NUDCD1: variants seen among roughly 807,000 people sequenced by gnomAD.
NUDCD1 encodes the protein NudC domain containing 1.
NUDCD1 carries 60 observed loss-of-function variants against 67.8 expected under a neutral mutation model. That is an observed-to-expected ratio of 0.88 (90% CI 0.72 to 1.10). NUDCD1 has a LOEUF of 1.10. Ranked by LOEUF, NUDCD1 falls within the 50% of genes least tolerant of loss-of-function variation. The probability of loss-of-function intolerance (pLI) is 0.00; values close to 1 mark genes in which losing one functional copy is unlikely to be tolerated. For synonymous variants in NUDCD1, 244 were observed against 230.8 expected (o/e 1.06, Z -0.52); for missense variants, 643 against 695.0 (o/e 0.93, Z 0.84).
intron 7 of NUDCD1, among the ~76,000 whole-genome samples, chr8:109,274,450 C>T (rs1411421398): frequency 6.6e-6 from 1 of 152,112 alleles, no homozygotes; most frequent in Admixed American, 6.5e-5. Flanking sequence ...ATAATACTTG[C>T]TGAATGAGCG....
chr8:109,246,554 C>T (rs1379832972), intron 8 of NUDCD1, among the ~76,000 whole-genome samples: 2 of 152,148 alleles, frequency 1.3e-5, no homozygotes, highest in Non-Finnish European at 2.9e-5. Flanking sequence ...ATAATTGTTA[C>T]TGCAATATTG....
chr8:109,256,916 C>T (rs1352027792), intron 8 of NUDCD1, among the ~76,000 whole-genome samples: 1 of 151,680 alleles, frequency 6.6e-6, no homozygotes, highest in African/African-American at 2.4e-5. Context: ...TTCCAAATTA[C>T]AGGAGATTAA....
At chr8:109,329,826 G>T (rs1243646550) in intron 1 of NUDCD1, 2 of 1,550,936 alleles carry the variant, frequency 1.3e-6, no homozygotes, top group Non-Finnish European at 1.7e-6. Context: ...CAACCCTGGA[G>T]ATAAAGCATT....
At chr8:109,245,162 C>T (rs1019171284) in intron 9 of NUDCD1, among the ~76,000 whole-genome samples, 160 bp downstream of exon 9, 1 of 152,138 alleles carries the variant, frequency 6.6e-6, no homozygotes, top group African/African-American at 2.4e-5. Context: ...TCCAACAGTG[C>T]TAACACTCAC....
At chr8:109,306,071 C>A (rs1815095040) in intron 2 of NUDCD1, among the ~76,000 whole-genome samples, 1 of 152,130 alleles carries the variant, frequency 6.6e-6, no homozygotes, top group South Asian at 2.1e-4. Flanking sequence ...ACTTGTCATC[C>A]CTACTATTTC....
chr8:109,267,608 G>T (rs1474658189), intron 8 of NUDCD1, among the ~76,000 whole-genome samples: 1 of 151,940 alleles, frequency 6.6e-6, no homozygotes, highest in African/African-American at 2.4e-5. Context: ...AAGAAAGTTT[G>T]GTTTAAAATC....
rs142121106 is a variant in NUDCD1 at position 109,255,299 on chromosome 8, T to C, written c.1300-9818A>G. ...ATCTATTTTGTATATAAAATTGATGTCTAAAAAATATGGAAAAGAAGTAAA... is the reference window on the plus strand; with the variant it reads ...ATCTATTTTGTATATAAAATTGATGCCTAAAAAATATGGAAAAGAAGTAAA... On this transcript the variant is annotated intron_variant, in intron 8 of 9. Transcript: ENST00000239690. Among the ~76,000 whole-genome samples, 243 of 152,298 alleles carry C rather than the reference T, an allele frequency of 1.6e-3. 1 individual carries two copies. The highest frequency in any genetic ancestry group is 1.6e-3 in the Non-Finnish European group (106 of 68,006).
intron 7 of NUDCD1, among the ~76,000 whole-genome samples, chr8:109,271,871 CA>C (rs1420062461): frequency 6.6e-6 from 1 of 151,898 alleles, no homozygotes; most frequent in African/African-American, 2.4e-5. Flanking sequence ...GGCCGGAATA[CA>C]ATGGTGGATA....
At chr8:109,315,242 C>T (rs1815363589) in intron 2 of NUDCD1, 1 of 152,028 alleles carries the variant, frequency 6.6e-6, no homozygotes, top group South Asian at 2.1e-4. Context: ...AATAATGCCA[C>T]TTCAACATGA....
At chr8:109,331,419 G>C (rs976494462) in intron 1 of NUDCD1, among the ~76,000 whole-genome samples, 13 of 151,642 alleles carry the variant, frequency 8.6e-5, no homozygotes, top group African/African-American at 2.9e-4. Context: ...GGGAGGCTGA[G>C]GCAGGAGAAT....
chr8:109,317,676 TCTA>T (rs776143499), intron 2 of NUDCD1, among the ~76,000 whole-genome samples: 4 of 152,206 alleles, frequency 2.6e-5, no homozygotes, highest in Non-Finnish European at 5.9e-5. Context: ...ATCATACAGT[TCTA>T]CTGCTCTCAA....
intron 1 of NUDCD1, among the ~76,000 whole-genome samples, chr8:109,324,554 A>G (rs931408307): frequency 1.3e-5 from 2 of 152,218 alleles, no homozygotes; most frequent in African/African-American, 4.8e-5. Flanking sequence ...ACTCCCACAA[A>G]TGAATATTTA....
At chr8:109,250,678 G>A (rs977445913) in intron 8 of NUDCD1, among the ~76,000 whole-genome samples, 3 of 152,022 alleles carry the variant, frequency 2.0e-5, no homozygotes, top group Non-Finnish European at 4.4e-5. Context: ...TATCATCAAC[G>A]AATGGTATTT....
chr8:109,319,811 C>G (rs769855805), intron 2 of NUDCD1, among the ~76,000 whole-genome samples: 2 of 152,150 alleles, frequency 1.3e-5, no homozygotes, highest in Non-Finnish European at 2.9e-5. Flanking sequence ...GAGCCTGCCC[C>G]AATATTCACC....
chr8:109,331,515 CAAAAA>C (rs59203626), intron 1 of NUDCD1, among the ~76,000 whole-genome samples: 3 of 65,888 alleles, frequency 4.6e-5, no homozygotes, highest in African/African-American at 1.6e-4. Flanking sequence ...GACTCAGACT[CAAAAA>C]AAAAAAAAAA....
At position 109,245,374 on chromosome 8, in the gene NUDCD1, G is replaced by T. The variant is rs1235287433; in HGVS notation, c.1407C>A (p.His469Gln). ...HDVDALLWQP[H>Q]SSKQDDMWEH... is the part of the protein sequence containing the mutation. ...CCCACATATCATCTTGTTTGCTGGA[G>T]TGTGGTTGCCAGAGTAGGGCATCAA... Residue 469 changes from histidine to glutamine, a missense_variant, in exon 9 of 10, where the codon CAC becomes CAA. Transcript: ENST00000239690. The T allele has an allele frequency of 6.2e-7, 1 of 1,613,810 alleles. No homozygotes were observed. The highest frequency in any genetic ancestry group is 1.3e-5 in the African/African-American group (1 of 74,906).
intron 2 of NUDCD1, among the ~76,000 whole-genome samples, chr8:109,310,168 C>CTA (rs2130091720): frequency 6.6e-6 from 1 of 152,134 alleles, no homozygotes; most frequent in Non-Finnish European, 1.5e-5. Context: ...CAAAGCAAGA[C>CTA]TAAGTTAAAA....
intron 1 of NUDCD1, among the ~76,000 whole-genome samples, chr8:109,324,360 C>T (rs1376137317): frequency 6.6e-6 from 1 of 151,528 alleles, no homozygotes; most frequent in Non-Finnish European, 1.5e-5. Context: ...ATATCATCTT[C>T]CTGTAGTTAG....
chr8:109,278,267 A>G (rs1267256777), intron 6 of NUDCD1, among the ~76,000 whole-genome samples: 1 of 152,244 alleles, frequency 6.6e-6, no homozygotes, highest in Non-Finnish European at 1.5e-5. Context: ...AAAATAAAAG[A>G]AAGTAATTTT....
Sources: gnomAD v4.1 joint callset for allele counts (sites outside exome capture counted in the v4.1 genomes callset) on GRCh38, gnomAD v4.1.1 for gene constraint, MANE v1.5 for transcripts, NCBI Gene and HGNC (gene_info 2026-07-23, HGNC 2026-07-21) for gene names.